INO80D: variants seen among roughly 807,000 people sequenced by gnomAD.
The protein encoded by INO80D is INO80 complex subunit D.
A neutral mutation model predicts 87.6 loss-of-function variants in INO80D; 21 were observed. The ratio of observed to expected loss-of-function variants is 0.24; its 90% CI spans 0.17 to 0.35. The LOEUF is 0.35. Ranked by LOEUF, INO80D falls within the 10% of genes least tolerant of loss-of-function variation. The pLI, the probability that INO80D is intolerant of heterozygous loss-of-function variation, is 1.00. For missense variants in INO80D, 982 were observed against 1,280.7 expected (o/e 0.77, Z 3.56); for synonymous variants, 440 against 491.0 (o/e 0.90, Z 1.37).
At chr2:206,008,961 A>G (rs1408855272) in intron 9 of INO80D, among the ~76,000 whole-genome samples, 1 of 152,348 alleles carries the variant, frequency 6.6e-6, no homozygotes, top group African/African-American at 2.4e-5. Flanking sequence ...ATAATGCCTC[A>G]TATTTCTGAT....
chr2:206,015,411 G>C (rs988522208), intron 8 of INO80D, among the ~76,000 whole-genome samples: 2 of 152,106 alleles, frequency 1.3e-5, no homozygotes, highest in Non-Finnish European at 2.9e-5. Context: ...CTAAGGACTT[G>C]GTACCCTGCA....
chr2:206,042,446 C>T (rs1049838685), intron 5 of INO80D, among the ~76,000 whole-genome samples: 5 of 151,020 alleles, frequency 3.3e-5, no homozygotes, highest in Non-Finnish European at 7.4e-5. Flanking sequence ...CTTTGGGAGG[C>T]GGAGGCAGGT....
At position 206,060,808 on chromosome 2, in the gene INO80D, C is replaced by A. The variant is rs370331386; in HGVS notation, c.218+1991G>T. ...CTCTCAACCTCAGGTGATCCACCCA[C>A]CTCGGCCTCCCAAAGTGCTGGGATT... is the stretch of plus-strand genomic sequence containing the variant. On this transcript the variant is annotated intron_variant, in intron 3 of 10. Coordinates refer to ENST00000403263, the MANE Select transcript of INO80D (RefSeq NM_017759.5). 2.0e-5 allele frequency among the ~76,000 whole-genome samples: 3 copies of A among 152,094 alleles called. No individual in the cohort carries two copies. The East Asian group carries it at 5.9e-4, about 30-fold the overall frequency.
chr2:206,051,377 G>A (rs1689366574), intron 4 of INO80D, among the ~76,000 whole-genome samples: 1 of 151,668 alleles, frequency 6.6e-6, no homozygotes, highest in South Asian at 2.1e-4. Flanking sequence ...ACTGTGCCTG[G>A]CTATAACAGA....
chr2:206,055,226 G>A (rs761255664), intron 4 of INO80D, among the ~76,000 whole-genome samples: 2 of 151,940 alleles, frequency 1.3e-5, no homozygotes, highest in Admixed American at 6.6e-5. Context: ...TATTGCATTC[G>A]AGAATAAATT....
chr2:206,032,511 A>G (rs1688795409), intron 5 of INO80D, among the ~76,000 whole-genome samples: 1 of 152,184 alleles, frequency 6.6e-6, no homozygotes, highest in African/African-American at 2.4e-5. Context: ...GCCTAGACAC[A>G]TTGTCATTAG....
In INO80D at chr2:206,019,794, G is replaced by A. The variant is rs370858663; in HGVS notation, c.1350C>T (p.Thr450=). The change falls in exon 7 of 11, where the codon ACC becomes ACT. Residue 450 remains threonine (T), a synonymous_variant. Transcript: ENST00000403263. ...REVEPAACSG[T]VKGEQCANKA... ...TGTTAGCGCACTGTTCACCCTTCAC[G>A]GTTCCACTGCATGCTGCTGGTTCCA... 130 of 1,613,856 alleles carry A rather than the reference G, an allele frequency of 8.1e-5. No individual in the cohort carries two copies. The East Asian group carries it at 2.6e-3, about 32-fold the overall frequency.
chr2:206,069,027 T>C (rs1689892516), intron 1 of INO80D, among the ~76,000 whole-genome samples: 1 of 152,164 alleles, frequency 6.6e-6, no homozygotes, highest in Non-Finnish European at 1.5e-5. Flanking sequence ...AATAAATGAG[T>C]TTATCCAATT....
At chr2:206,074,706 G>A (rs1430511309) in intron 1 of INO80D, among the ~76,000 whole-genome samples, 1 of 152,262 alleles carries the variant, frequency 6.6e-6, no homozygotes, top group Non-Finnish European at 1.5e-5. Flanking sequence ...CTGGGAGGCT[G>A]AGGTGGGAGG....
At chr2:206,028,854 C>T (rs1688687494) in intron 5 of INO80D, among the ~76,000 whole-genome samples, 1 of 151,784 alleles carries the variant, frequency 6.6e-6, no homozygotes, top group Non-Finnish European at 1.5e-5. Context: ...TTGTAGGGAT[C>T]GCATTAATTC....
chr2:206,012,601 C>T (rs1688206550), intron 8 of INO80D, among the ~76,000 whole-genome samples: 1 of 152,106 alleles, frequency 6.6e-6, no homozygotes, highest in Non-Finnish European at 1.5e-5. Flanking sequence ...CACAGTGGCT[C>T]AGGCCTGTAA....
intron 6 of INO80D, among the ~76,000 whole-genome samples, chr2:206,020,771 T>TC (rs796343409): frequency 1.3e-5 from 2 of 152,128 alleles, no homozygotes; most frequent in African/African-American, 4.8e-5. Flanking sequence ...CAGCCCCCAC[T>TC]CCCTCTATAA....
Position 205,999,948 on chromosome 2 carries a change from T to C in INO80D, c.*4420A>G, listed in dbSNP as rs1687876237. 1 of 152,164 alleles carries C rather than the reference T, an allele frequency of 6.6e-6. No individual in the cohort carries two copies. The highest frequency in any genetic ancestry group is 2.1e-4 in the South Asian group (1 of 4,820). 9.4% of individuals were successfully genotyped at this position (152,164 alleles called of 1,614,324 possible). A position where few individuals can be genotyped will look rare whatever the true frequency, so the allele number is the denominator to read the frequency against. On this transcript the variant is annotated 3_prime_UTR_variant, in exon 11 of 11. Coordinates refer to ENST00000403263, the MANE Select transcript of INO80D (RefSeq NM_017759.5). ...ATTGGGCGGGGGGAAACATCTATGT[T>C]CTTTCATATATATATATAAAAAACT...
intron 5 of INO80D, among the ~76,000 whole-genome samples, chr2:206,042,543 G>A (rs1009922339): frequency 3.3e-5 from 5 of 152,068 alleles, no homozygotes; most frequent in African/African-American, 7.2e-5. Context: ...TTAGCCAGGC[G>A]TGGTGGCTGG....
At chr2:206,041,215 C>A (rs1363839557) in intron 5 of INO80D, among the ~76,000 whole-genome samples, 1 of 151,714 alleles carries the variant, frequency 6.6e-6, no homozygotes, top group Non-Finnish European at 1.5e-5. Context: ...CAATAAATAT[C>A]AATAATCATA....
chr2:206,068,637 G>T (rs1689880968), intron 1 of INO80D, among the ~76,000 whole-genome samples: 1 of 152,108 alleles, frequency 6.6e-6, no homozygotes. Context: ...CCTTTTAGAT[G>T]CAACTCTTGT....
chr2:206,014,975 T>G (rs1553615115), intron 8 of INO80D, among the ~76,000 whole-genome samples: 1 of 152,186 alleles, frequency 6.6e-6, no homozygotes, highest in Non-Finnish European at 1.5e-5. Flanking sequence ...TCTTGTTATG[T>G]TTTAGCAAAG....
At chr2:206,077,760 C>T (rs1690158350) in intron 1 of INO80D, among the ~76,000 whole-genome samples, 2 of 152,146 alleles carry the variant, frequency 1.3e-5, no homozygotes, top group African/African-American at 4.8e-5. Flanking sequence ...AAATCTGAAA[C>T]TAATGGCCTC....
chr2:206,018,821 G>A (rs1489481199), intron 7 of INO80D, among the ~76,000 whole-genome samples: 1 of 152,146 alleles, frequency 6.6e-6, no homozygotes, highest in African/African-American at 2.4e-5. Context: ...AAGATCACCT[G>A]AGCCCAGGGA....
Sources: allele counts gnomAD v4.1 joint callset (sites outside exome capture counted in the v4.1 genomes callset), GRCh38; gene constraint gnomAD v4.1.1; transcripts MANE v1.5; gene names NCBI Gene and HGNC (gene_info 2026-07-23, HGNC 2026-07-21).